The following SEMA3A variants were observed in gnomAD, a reference collection of about 807,000 sequenced individuals.
The protein encoded by SEMA3A is semaphorin 3A.
A neutral mutation model predicts 97.9 loss-of-function variants in SEMA3A; 29 were observed. The ratio of observed to expected loss-of-function variants is 0.30; its 90% CI spans 0.22 to 0.40. The LOEUF (loss-of-function observed/expected upper bound fraction) is 0.40, where lower values mean the gene tolerates loss of function less well. Ranked by LOEUF, SEMA3A falls within the 10% of genes least tolerant of loss-of-function variation. The pLI, the probability that SEMA3A is intolerant of heterozygous loss-of-function variation, is 1.00. For synonymous variants in SEMA3A, 321 were observed against 323.7 expected (o/e 0.99, Z 0.09); for missense variants, 763 against 951.3 (o/e 0.80, Z 2.60).
rs150415457 is a variant in SEMA3A, at chr7:84,006,799, C to A, written c.1140+554G>T. Among the ~76,000 whole-genome samples, 126 of 151,964 alleles carry A rather than the reference C, an allele frequency of 8.3e-4. 1 individual carries two copies. The highest frequency in any genetic ancestry group is 2.9e-3 in the African/African-American group (121 of 41,446). Reference sequence around the variant, plus strand: ...ACTAGCTTGAAAAATATTAATAATTCATGAGAAATAAAATGAATGTGTTTT... The same window carrying A: ...ACTAGCTTGAAAAATATTAATAATTAATGAGAAATAAAATGAATGTGTTTT... On this transcript the variant is annotated intron_variant, in intron 10 of 16. Coordinates refer to ENST00000265362, the MANE Select transcript of SEMA3A (RefSeq NM_006080.3).
chr7:84,289,731 T>C (rs746134718), intron 3 of SEMA3A, among the ~76,000 whole-genome samples: 2 of 152,142 alleles, frequency 1.3e-5, no homozygotes, highest in African/African-American at 2.4e-5. Context: ...CAAAAAGTTA[T>C]ACATACTGTT....
At chr7:84,484,939 T>A (rs772855934) in intron 1 of SEMA3A, among the ~76,000 whole-genome samples, 12 of 152,230 alleles carry the variant, frequency 7.9e-5, no homozygotes, top group Non-Finnish European at 1.6e-4. Context: ...CATCTTGGCA[T>A]GTTTGTACAT....
chr7:84,255,880 T>C (rs1316087119), intron 3 of SEMA3A, among the ~76,000 whole-genome samples: 1 of 148,206 alleles, frequency 6.7e-6, no homozygotes, highest in Non-Finnish European at 1.5e-5. Context: ...CTCTTTATTA[T>C]GATGGCAGAT....
At chr7:84,027,974 T>G (rs542025510) in intron 6 of SEMA3A, among the ~76,000 whole-genome samples, 1 of 152,220 alleles carries the variant, frequency 6.6e-6, no homozygotes, top group Non-Finnish European at 1.5e-5. Flanking sequence ...AAGTGTGTTA[T>G]TGACGTCATC....
chr7:83,976,926 CATAATAAAACATAATTTATG>C, intron 15 of SEMA3A, among the ~76,000 whole-genome samples, 186 bp downstream of exon 15: 1 of 152,170 alleles, frequency 6.6e-6, no homozygotes, highest in African/African-American at 2.4e-5. Flanking sequence ...AATTTATCAT[CATAATAAAACATAATTTATG>C]ATAATAAAAC....
At chr7:84,249,151 T>C (rs1799540629) in intron 3 of SEMA3A, among the ~76,000 whole-genome samples, 1 of 152,206 alleles carries the variant, frequency 6.6e-6, no homozygotes, top group East Asian at 1.9e-4. Context: ...CTGCCTTAGC[T>C]ACTGTATCTG....
intron 1 of SEMA3A, among the ~76,000 whole-genome samples, chr7:84,182,171 C>T (rs1292640578): frequency 2.0e-5 from 3 of 151,982 alleles, no homozygotes; most frequent in African/African-American, 4.8e-5. Flanking sequence ...GGGTTATTTG[C>T]GATCACAGGT....
intron 3 of SEMA3A, among the ~76,000 whole-genome samples, chr7:84,114,059 C>A (rs1446980159): frequency 6.6e-6 from 1 of 152,122 alleles, no homozygotes; most frequent in Non-Finnish European, 1.5e-5. Flanking sequence ...AGATATGAAG[C>A]ACTGATTAGA....
chr7:83,975,813 C>G (rs994551038), intron 15 of SEMA3A, among the ~76,000 whole-genome samples: 1 of 152,010 alleles, frequency 6.6e-6, no homozygotes, highest in Admixed American at 6.6e-5. Context: ...TGGTGCTGAT[C>G]ATAATTCAAT....
At chr7:84,033,178 C>T (rs947027897) in intron 6 of SEMA3A, among the ~76,000 whole-genome samples, 2 of 152,128 alleles carry the variant, frequency 1.3e-5, no homozygotes, top group Non-Finnish European at 2.9e-5. Context: ...CTGAAAACAA[C>T]TGTTTTAAAC....
chr7:84,277,959 C>T (rs1190644804), intron 3 of SEMA3A, among the ~76,000 whole-genome samples: 2 of 152,126 alleles, frequency 1.3e-5, no homozygotes, highest in Non-Finnish European at 2.9e-5. Flanking sequence ...TTTTCTTTCT[C>T]TGCCAAATGG....
chr7:84,480,114 C>CA (rs1303497004), intron 1 of SEMA3A, among the ~76,000 whole-genome samples: 1 of 152,134 alleles, frequency 6.6e-6, no homozygotes, highest in African/African-American at 2.4e-5. Context: ...TTCATTTCTA[C>CA]AAAAAAACAC....
chr7:84,258,024 C>A (rs521401), intron 3 of SEMA3A, among the ~76,000 whole-genome samples: 107,487 of 151,988 alleles, frequency 0.71, 38,209 homozygotes, highest in East Asian at 0.79. Flanking sequence ...AAGACAAGAC[C>A]GAACAATGTC....
intron 2 of SEMA3A, among the ~76,000 whole-genome samples, chr7:84,132,921 C>G (rs1017225081): frequency 3.9e-5 from 6 of 151,924 alleles, no homozygotes; most frequent in African/African-American, 1.5e-4. Flanking sequence ...GTGATCCACC[C>G]GCCTTGGCCT....
intron 3 of SEMA3A, among the ~76,000 whole-genome samples, chr7:84,223,182 CAG>C (rs1562859887): frequency 6.6e-6 from 1 of 151,682 alleles, no homozygotes; most frequent in Admixed American, 6.6e-5. Flanking sequence ...AGAAAAGTGC[CAG>C]AGTCTCACCA....
At chr7:84,379,080 A>T (rs1219719026) in intron 1 of SEMA3A, among the ~76,000 whole-genome samples, 3 of 151,896 alleles carry the variant, frequency 2.0e-5, no homozygotes, top group African/African-American at 7.3e-5. Context: ...GGCGCCCGCC[A>T]CCACACCTGG....
chr7:83,984,821 T>C (rs1048494314), intron 13 of SEMA3A, among the ~76,000 whole-genome samples: 1 of 152,010 alleles, frequency 6.6e-6, no homozygotes, highest in Non-Finnish European at 1.5e-5. Context: ...CCCTTAACCT[T>C]TGAATTCATG....
At chr7:84,299,368 C>CTATA (rs375424685) in intron 3 of SEMA3A, among the ~76,000 whole-genome samples, 4 of 133,158 alleles carry the variant, frequency 3.0e-5, no homozygotes, top group Admixed American at 1.5e-4. Context: ...CTCTCTCCCT[C>CTATA]TATATATATA....
intron 3 of SEMA3A, chr7:84,306,472 T>C (rs1801157419): frequency 6.6e-6 from 1 of 152,146 alleles, no homozygotes. Context: ...ACAATATAGA[T>C]CTTCAAGAAT....
Sources: gnomAD v4.1 joint callset for allele counts (sites outside exome capture counted in the v4.1 genomes callset) on GRCh38, gnomAD v4.1.1 for gene constraint, MANE v1.5 for transcripts, NCBI Gene and HGNC (gene_info 2026-07-23, HGNC 2026-07-21) for gene names.